GPC3: variants seen among roughly 807,000 people sequenced by gnomAD.
GPC3 encodes the protein glypican 3.
Under a neutral mutation model 34.4 loss-of-function variants are expected in GPC3, and 3 were observed. The ratio of observed to expected loss-of-function variants is 0.09; its 90% CI spans 0.04 to 0.23. The LOEUF is 0.23. Among genes scored for constraint, GPC3 ranks in the 10% least tolerant of loss-of-function variants. GPC3 has a pLI of 1.00. For synonymous variants in GPC3, 177 were observed against 174.0 expected, an observed-to-expected ratio of 1.02 and a Z score of -0.13; for missense variants, 351 against 445.6, an observed-to-expected ratio of 0.79 and a Z score of 1.91.
chrX:133,619,377 G>A (rs1004750095), intron 6 of GPC3, among the ~76,000 whole-genome samples: 19 of 111,937 alleles, frequency 1.7e-4, no homozygotes, highest in Non-Finnish European at 2.3e-4. Flanking sequence ...ACAGATACTC[G>A]TACACCAATG....
intron 4 of GPC3, among the ~76,000 whole-genome samples, chrX:133,693,205 CAG>C (rs1200832629): frequency 1.0e-4 from 7 of 69,927 alleles, no homozygotes; most frequent in Non-Finnish European, 9.4e-5. Context: ...GTGTGTGAGA[CAG>C]AGAGAGAGAG....
chrX:133,632,559 T>C (rs1381461502), intron 6 of GPC3, among the ~76,000 whole-genome samples: 2 of 112,113 alleles, frequency 1.8e-5, no homozygotes, highest in Non-Finnish European at 3.8e-5. Context: ...TAGATGATGA[T>C]GGATGAATGG....
intron 6 of GPC3, among the ~76,000 whole-genome samples, chrX:133,614,804 G>T (rs974050279): frequency 9.0e-6 from 1 of 111,473 alleles, no homozygotes. Context: ...TATGCCATTA[G>T]TTAGACTACC....
At chrX:133,976,606 A>G (rs1235224567) in intron 1 of GPC3, among the ~76,000 whole-genome samples, 2 of 81,541 alleles carry the variant, frequency 2.5e-5, no homozygotes. Context: ...CTCCTCTTCA[A>G]TCGTAAGTTT....
At chrX:133,898,989 A>T (rs1229716379) in intron 2 of GPC3, among the ~76,000 whole-genome samples, 1 of 111,949 alleles carries the variant, frequency 8.9e-6, no homozygotes, top group Non-Finnish European at 1.9e-5. Flanking sequence ...CTGAGAGTCA[A>T]CTTCCCATTT....
intron 2 of GPC3, among the ~76,000 whole-genome samples, chrX:133,767,538 A>G (rs2071861676): frequency 9.0e-6 from 1 of 111,593 alleles, no homozygotes; most frequent in Admixed American, 9.5e-5. Flanking sequence ...TGGCAGAAAC[A>G]AGGCTCAAGG....
intron 7 of GPC3, among the ~76,000 whole-genome samples, chrX:133,578,574 G>A (rs910265089): frequency 8.9e-6 from 1 of 112,043 alleles, no homozygotes; most frequent in African/African-American, 3.2e-5. Context: ...AGCTACTCAG[G>A]AGGCTGAGGT....
intron 1 of GPC3, among the ~76,000 whole-genome samples, chrX:133,961,713 A>G (rs985401518): frequency 9.0e-6 from 1 of 111,592 alleles, no homozygotes; most frequent in East Asian, 2.8e-4. Flanking sequence ...TCTCAAATTA[A>G]CTAGAAACCT....
At chrX:133,808,221 C>G (rs992508883) in intron 2 of GPC3, among the ~76,000 whole-genome samples, 1 of 112,026 alleles carries the variant, frequency 8.9e-6, no homozygotes, top group Non-Finnish European at 1.9e-5. Context: ...AACATACACC[C>G]AGGCCCACAG....
chrX:133,688,949 A>C (rs2071035196), intron 5 of GPC3, among the ~76,000 whole-genome samples: 1 of 111,735 alleles, frequency 8.9e-6, no homozygotes, highest in African/African-American at 3.2e-5. Context: ...TTTTAAAAAA[A>C]TTTAGTTTGA....
chrX:133,924,289 G>T (rs2076266113), intron 2 of GPC3, among the ~76,000 whole-genome samples: 1 of 110,644 alleles, frequency 9.0e-6, no homozygotes, highest in African/African-American at 3.3e-5. Flanking sequence ...GCTCTAGAAG[G>T]CAATTGTATA....
intron 5 of GPC3, among the ~76,000 whole-genome samples, chrX:133,666,141 T>C (rs1229157733): frequency 8.9e-6 from 1 of 111,966 alleles, no homozygotes; most frequent in Non-Finnish European, 1.9e-5. Flanking sequence ...TCCTTTGTGG[T>C]CCTACTGTAT....
At chrX:133,841,215 ATTTTTTTTT>A (rs769696321) in intron 2 of GPC3, among the ~76,000 whole-genome samples, 1 of 39,248 alleles carries the variant, frequency 2.5e-5, no homozygotes, top group African/African-American at 7.0e-5. Context: ...TAATCTTTTA[ATTTTTTTTT>A]TTTTTTTTTT....
intron 1 of GPC3, among the ~76,000 whole-genome samples, chrX:133,979,645 T>C (rs2076530180): frequency 9.0e-6 from 1 of 111,666 alleles, no homozygotes; most frequent in Non-Finnish European, 1.9e-5. Context: ...ACCTTCACCT[T>C]GATTTTTGAA....
At chrX:133,918,470 T>G (rs2076234083) in intron 2 of GPC3, among the ~76,000 whole-genome samples, 1 of 112,503 alleles carries the variant, frequency 8.9e-6, no homozygotes, top group African/African-American at 3.2e-5. Flanking sequence ...TATTGCAGCT[T>G]TAAAAATAAA....
At chrX:133,752,033 T>A (rs1471801342) in intron 3 of GPC3, among the ~76,000 whole-genome samples, 1 of 110,235 alleles carries the variant, frequency 9.1e-6, no homozygotes, top group Non-Finnish European at 1.9e-5. Flanking sequence ...TTTTTTGTAT[T>A]TATTTATTTA....
At chrX:133,866,107 G>A (rs908614548) in intron 2 of GPC3, among the ~76,000 whole-genome samples, 8 of 111,915 alleles carry the variant, frequency 7.1e-5, no homozygotes, top group East Asian at 2.8e-4. Context: ...AATAAGGAGA[G>A]AAAGAAAATG....
chrX:133,883,973 AATTAT>A (rs1192839424), intron 2 of GPC3, among the ~76,000 whole-genome samples: 2 of 111,722 alleles, frequency 1.8e-5, no homozygotes, highest in African/African-American at 3.2e-5. Flanking sequence ...TAGTTCCTGA[AATTAT>A]ATTATATAAT....
At chrX:133,685,757 G>GT (rs754793187) in intron 5 of GPC3, among the ~76,000 whole-genome samples, 3,396 of 95,385 alleles carry the variant, frequency 0.036, 83 homozygotes, top group African/African-American at 0.08. Context: ...TCATAACATA[G>GT]TTTTTTTTTT....
Sources: gnomAD v4.1 joint callset for allele counts (sites outside exome capture counted in the v4.1 genomes callset) on GRCh38, gnomAD v4.1.1 for gene constraint, MANE v1.5 for transcripts, NCBI Gene and HGNC (gene_info 2026-07-23, HGNC 2026-07-21) for gene names.